The following SH3GL2 variants were observed in gnomAD, a reference collection of about 807,000 sequenced individuals.
SH3GL2 encodes the protein SH3 domain containing GRB2 like 2, endophilin A1.
A neutral mutation model predicts 46.0 loss-of-function variants in SH3GL2; 24 were observed. That is an observed-to-expected ratio of 0.52 (90% confidence interval 0.38 to 0.73). The LOEUF (loss-of-function observed/expected upper bound fraction) is 0.73, where lower values mean the gene tolerates loss of function less well. Ranked by LOEUF, SH3GL2 falls within the 30% of genes least tolerant of loss-of-function variation. The pLI, the probability that SH3GL2 is intolerant of heterozygous loss-of-function variation, is 0.00. For missense variants in SH3GL2, 413 were observed against 424.2 expected (o/e 0.97, Z 0.23); for synonymous variants, 196 against 147.1 (o/e 1.33, Z -2.40).
chr9:17,623,696 A>G (rs1425667613), intron 1 of SH3GL2, among the ~76,000 whole-genome samples: 2 of 129,848 alleles, frequency 1.5e-5, no homozygotes, highest in African/African-American at 2.9e-5. Context: ...AACCCTATTT[A>G]TAATTTCCTA....
At chr9:17,670,408 A>C (rs777756109) in intron 1 of SH3GL2, among the ~76,000 whole-genome samples, 1 of 152,244 alleles carries the variant, frequency 6.6e-6, no homozygotes, top group Admixed American at 6.5e-5. Context: ...TACCTCCTGT[A>C]TCATGATAAT....
At chr9:17,653,991 T>G in intron 1 of SH3GL2, 1 of 247,182 alleles carries the variant, frequency 4.0e-6, no homozygotes, top group Non-Finnish European at 6.5e-6. Flanking sequence ...TGTGCTGTAT[T>G]CACACAGCAG....
chr9:17,613,128 G>T (rs2134584696), intron 1 of SH3GL2, among the ~76,000 whole-genome samples: 1 of 152,056 alleles, frequency 6.6e-6, no homozygotes, highest in African/African-American at 2.4e-5. Context: ...GTCTTTTATT[G>T]TACAATAACA....
At chr9:17,768,838 C>T (rs1823392907) in intron 3 of SH3GL2, among the ~76,000 whole-genome samples, 1 of 152,190 alleles carries the variant, frequency 6.6e-6, no homozygotes, top group South Asian at 2.1e-4. Context: ...ACCTTTATAT[C>T]ACATGAGTTC....
At chr9:17,766,220 G>A (rs561194339) in intron 3 of SH3GL2, among the ~76,000 whole-genome samples, 2 of 152,316 alleles carry the variant, frequency 1.3e-5, no homozygotes, top group South Asian at 2.1e-4. Flanking sequence ...AAGTGTGAGC[G>A]GGATCACAGG....
At chr9:17,643,380 T>G (rs1193577715) in intron 1 of SH3GL2, among the ~76,000 whole-genome samples, 1 of 152,188 alleles carries the variant, frequency 6.6e-6, no homozygotes. Flanking sequence ...CTTTATTTCT[T>G]TCTCTTGCCT....
chr9:17,754,307 A>G (rs1182641405), intron 2 of SH3GL2, among the ~76,000 whole-genome samples: 1 of 152,178 alleles, frequency 6.6e-6, no homozygotes, highest in African/African-American at 2.4e-5. Context: ...CTTCCTATCC[A>G]TGAGCATGGA....
intron 1 of SH3GL2, among the ~76,000 whole-genome samples, chr9:17,703,261 T>G (rs1824503219): frequency 6.6e-6 from 1 of 152,084 alleles, no homozygotes; most frequent in African/African-American, 2.4e-5. Context: ...AAATATTTTA[T>G]AAATAACTAG....
rs552134216 is a variant in SH3GL2, at chr9:17,650,569, A to G, written c.45+71282A>G. On this transcript the variant is annotated intron_variant, in intron 1 of 8. Transcript: ENST00000380607. ...GTATTTTTAGTAGAGACAGGGTTTC[A>G]CCATGTTGGCCACTGCTGACCTCCT... 1.1e-3 allele frequency among the ~76,000 whole-genome samples: 165 copies of G among 152,006 alleles called. 1 individual carries two copies. Among genetic ancestry groups the G allele is most frequent in the African/African-American group, 3.7e-3 (153 of 41,462 alleles).
At chr9:17,772,146 A>G (rs1372649060) in intron 3 of SH3GL2, among the ~76,000 whole-genome samples, 1 of 152,190 alleles carries the variant, frequency 6.6e-6, no homozygotes, top group Non-Finnish European at 1.5e-5. Context: ...AATATGCAAT[A>G]ATCACATGTT....
intron 3 of SH3GL2, among the ~76,000 whole-genome samples, chr9:17,762,543 T>C (rs1293085912): frequency 6.6e-6 from 1 of 152,182 alleles, no homozygotes; most frequent in Non-Finnish European, 1.5e-5. Context: ...CCAGCTGCTA[T>C]TCTGAGGATG....
chr9:17,770,153 A>G (rs1389790092), intron 3 of SH3GL2, among the ~76,000 whole-genome samples: 1 of 152,220 alleles, frequency 6.6e-6, no homozygotes, highest in South Asian at 2.1e-4. Flanking sequence ...TACAATTAGT[A>G]TATTTCACAA....
At chr9:17,613,209 A>T (rs920542612) in intron 1 of SH3GL2, among the ~76,000 whole-genome samples, 7 of 152,212 alleles carry the variant, frequency 4.6e-5, no homozygotes, top group African/African-American at 1.7e-4. Flanking sequence ...CTGAAAAGTG[A>T]CAGTGAGATA....
At chr9:17,789,735 C>T (rs1824068846) in intron 6 of SH3GL2, 185 bp downstream of exon 6, 1 of 1,359,042 alleles carries the variant, frequency 7.4e-7, no homozygotes, top group Non-Finnish European at 9.5e-7. Flanking sequence ...AAAGTTTCTT[C>T]TGCATTCCTG....
intron 1 of SH3GL2, among the ~76,000 whole-genome samples, chr9:17,691,374 C>G (rs1821073287): frequency 6.6e-6 from 1 of 152,012 alleles, no homozygotes; most frequent in Non-Finnish European, 1.5e-5. Context: ...TTTTGTGTGT[C>G]TCTTTTAAAT....
intron 1 of SH3GL2, among the ~76,000 whole-genome samples, chr9:17,724,492 A>C (rs1041596393): frequency 1.3e-5 from 2 of 152,042 alleles, no homozygotes; most frequent in South Asian, 4.2e-4. Context: ...GGCCCTGAAA[A>C]GGAAGTGTCT....
chr9:17,668,061 A>T (rs944849039), intron 1 of SH3GL2, among the ~76,000 whole-genome samples: 3 of 152,126 alleles, frequency 2.0e-5, no homozygotes, highest in African/African-American at 7.2e-5. Flanking sequence ...ATGAGCTGCA[A>T]ATATTTTCTC....
intron 3 of SH3GL2, among the ~76,000 whole-genome samples, chr9:17,785,232 T>C (rs1174818198): frequency 6.6e-6 from 1 of 152,142 alleles, no homozygotes; most frequent in Non-Finnish European, 1.5e-5. Flanking sequence ...TATCTGGGAC[T>C]CTCCTCAATC....
In SH3GL2 at chr9:17,781,911, C is replaced by A. The variant is rs76956141; in HGVS notation, c.188-4470C>A. On this transcript the variant is annotated intron_variant, in intron 3 of 8. Coordinates refer to ENST00000380607, the MANE Select transcript of SH3GL2 (RefSeq NM_003026.5). ...CTGCAGTGTAAATATTAATACATTA[C>A]AGCCTCACCCACACTCTGCCTCACA... 2.6e-5 allele frequency among the ~76,000 whole-genome samples: 4 copies of A among 152,066 alleles called. No individual in the cohort carries two copies. The East Asian group carries it at 7.7e-4, about 29-fold the overall frequency.
Sources: gnomAD v4.1 joint callset for allele counts (sites outside exome capture counted in the v4.1 genomes callset) on GRCh38, gnomAD v4.1.1 for gene constraint, MANE v1.5 for transcripts, NCBI Gene and HGNC (gene_info 2026-07-23, HGNC 2026-07-21) for gene names.